The following ZNF366 variants were observed in gnomAD, a reference collection of about 807,000 sequenced individuals.
ZNF366 encodes zinc finger protein 366.
In ZNF366, 20 loss-of-function variants were observed where a neutral mutation model predicts 47.2. That is an observed-to-expected ratio of 0.42 (90% CI 0.30 to 0.62). The LOEUF is 0.62. ZNF366 is among the 20% of genes least tolerant of loss of function. The pLI, the probability that ZNF366 is intolerant of heterozygous loss-of-function variation, is 0.16. For missense variants in ZNF366, 987 were observed against 976.3 expected (o/e 1.01, Z -0.15); for synonymous variants, 421 against 395.1 (o/e 1.07, Z -0.78).
chr5:72,475,016 T>G (rs1743645686), intron 1 of ZNF366, among the ~76,000 whole-genome samples: 1 of 152,166 alleles, frequency 6.6e-6, no homozygotes, highest in Non-Finnish European at 1.5e-5. Context: ...GTACAGATCT[T>G]GGGACAAACA....
At chr5:72,448,954 A>G (rs1743009701) in intron 3 of ZNF366, among the ~76,000 whole-genome samples, 1 of 152,194 alleles carries the variant, frequency 6.6e-6, no homozygotes, top group South Asian at 2.1e-4. Flanking sequence ...TCTTACTAGC[A>G]TGAATGAATT....
rs1262242669 is a variant in ZNF366, at chr5:72,460,731, G to A, written c.766C>T (p.Pro256Ser). Residue 256 changes from proline (P) to serine (S), a missense_variant, in exon 2 of 5, where the codon CCC becomes TCC. Pro to Ser is a moderately conservative substitution (Grantham distance 74). Around this residue, in one of 3 missense-constraint regions of ZNF366, gnomAD observed 591 missense variants for 560.9 expected, o/e 1.05. Coordinates refer to ENST00000318442, the MANE Select transcript of ZNF366 (RefSeq NM_152625.3). ...VGGSQKRWQC[P>S]TCEKSYTSKY... The stretch of plus-strand genomic sequence containing the variant: ...GAGGTGTAGGACTTCTCGCAGGTGG[G>A]GCACTGCCAGCGCTTCTGCGAGCCG... 6.2e-7 allele frequency: 1 copy of A among 1,614,208 alleles called. No individual in the cohort carries two copies. The highest frequency in any genetic ancestry group is 1.3e-5 in the African/African-American group (1 of 75,056).
chr5:72,505,703 G>A (rs369995430), intron 1 of ZNF366, among the ~76,000 whole-genome samples: 24 of 152,202 alleles, frequency 1.6e-4, no homozygotes, highest in African/African-American at 5.8e-4. Flanking sequence ...AGTCAAGATC[G>A]CAGACCTGCG....
At chr5:72,492,426 T>G (rs550114813) in intron 1 of ZNF366, among the ~76,000 whole-genome samples, 1 of 152,282 alleles carries the variant, frequency 6.6e-6, no homozygotes, top group South Asian at 2.1e-4. Flanking sequence ...GAGAAACTAA[T>G]TTTTTCTTCA....
intron 1 of ZNF366, among the ~76,000 whole-genome samples, chr5:72,462,393 G>A (rs545656612): frequency 6.6e-6 from 1 of 152,236 alleles, no homozygotes; most frequent in South Asian, 2.1e-4. Flanking sequence ...TGCCTGACAT[G>A]TCCCCTGCTG....
intron 4 of ZNF366, 45 bp from the exon 5 acceptor site, chr5:72,444,336 G>A: frequency 1.3e-6 from 2 of 1,558,042 alleles, no homozygotes; most frequent in South Asian, 2.5e-5. Context: ...GAAATGCTGT[G>A]GAAATGGGAC....
intron 2 of ZNF366, among the ~76,000 whole-genome samples, chr5:72,457,615 G>A (rs1743216934): frequency 6.6e-6 from 1 of 152,148 alleles, no homozygotes; most frequent in African/African-American, 2.4e-5. Flanking sequence ...TTACTTTGAG[G>A]CATGGTAAGA....
rs1412627579 is a variant in ZNF366, at chr5:72,443,547, T to G, written c.*209A>C. 2 of 557,654 alleles carry G rather than the reference T, an allele frequency of 3.6e-6. No homozygotes were observed. The highest frequency in any genetic ancestry group is 3.8e-5 in the African/African-American group (2 of 53,326). The allele number at this position is 557,654 out of a possible 1,614,324, so 34.5% of individuals were successfully genotyped here. On this transcript the variant is annotated 3_prime_UTR_variant, in exon 5 of 5. Coordinates refer to ENST00000318442, the MANE Select transcript of ZNF366 (RefSeq NM_152625.3). ...CTGGCAATGCATAAAACGCCACTGA[T>G]GAAGACCCTGCACATGTGTGAAGGG...
intron 1 of ZNF366, among the ~76,000 whole-genome samples, chr5:72,464,985 G>A (rs2112332129): frequency 6.6e-6 from 1 of 152,114 alleles, no homozygotes; most frequent in South Asian, 2.1e-4. Flanking sequence ...TTGAACCCAG[G>A]AGTCGGAGGT....
At chr5:72,445,185 C>G (rs6452471) in intron 4 of ZNF366, among the ~76,000 whole-genome samples, 128,363 of 152,098 alleles carry the variant, frequency 0.84, 54,357 homozygotes, top group East Asian at 0.96. Context: ...CTCACTTTTG[C>G]CTTCAGTTTG....
chr5:72,445,118 A>G (rs1742933214), intron 4 of ZNF366, among the ~76,000 whole-genome samples: 1 of 152,188 alleles, frequency 6.6e-6, no homozygotes, highest in Non-Finnish European at 1.5e-5. Context: ...GAGCTCACAC[A>G]GCCCCTGTGT....
intron 1 of ZNF366, among the ~76,000 whole-genome samples, chr5:72,506,808 A>G (rs1744328435): frequency 6.6e-6 from 1 of 152,238 alleles, no homozygotes; most frequent in Non-Finnish European, 1.5e-5. Context: ...CTGAATGGAA[A>G]GAAAAGAACA....
At position 72,461,305 on chromosome 5, in the gene ZNF366, T is replaced by C. The variant is rs376087753; in HGVS notation, c.192A>G (p.Leu64=). 8.7e-6 allele frequency: 14 copies of C among 1,613,978 alleles called. No individual in the cohort carries two copies. The highest frequency in any genetic ancestry group is 1.2e-5 in the Non-Finnish European group (14 of 1,180,032). The change falls in exon 2 of 5, where the codon CTA becomes CTG. Residue 64 remains leucine, a synonymous_variant. Transcript: ENST00000318442. ...CTTCGAAGACCCCGGGGAACCCATC[T>C]AGGTCTCCTGGGGGAGGTTCATACC... is the stretch of plus-strand genomic sequence containing the variant. ...QFRYEPPPGD[L]DGFPGVFEGA...
chr5:72,470,616 T>C (rs1321637251), intron 1 of ZNF366, among the ~76,000 whole-genome samples: 1 of 152,230 alleles, frequency 6.6e-6, no homozygotes, highest in Non-Finnish European at 1.5e-5. Context: ...GCCTCATACA[T>C]GGTTCAAATC....
chr5:72,456,475 T>C lies in ZNF366; in HGVS notation c.1453A>G (p.Ser485Gly), dbSNP rs1743187295. 6.2e-7 allele frequency: 1 copy of C among 1,613,946 alleles called. No individual in the cohort carries two copies. Residue 485 changes from serine (S) to glycine (G), a missense_variant, in exon 3 of 5, where the codon AGC becomes GGC. By Grantham distance (56) the Ser-to-Gly change is moderately conservative. Transcript: ENST00000318442. The part of the protein sequence containing the change: ...RAYQCHLCYK[S>G]FVQKQTLKAH... ...TTGAGGGTCTGCTTCTGCACGAAGC[T>C]CTTGTAGCAGAGGTGACACTGGTAG...
At chr5:72,485,202 G>A (rs1743870163) in intron 1 of ZNF366, among the ~76,000 whole-genome samples, 1 of 152,224 alleles carries the variant, frequency 6.6e-6, no homozygotes, top group Non-Finnish European at 1.5e-5. Flanking sequence ...GCACATGTTA[G>A]AGTGGTCATT....
chr5:72,447,414 A>G lies in ZNF366; in HGVS notation c.1528T>C (p.Cys510Arg), dbSNP rs1483841197. ...TGCATCCGGTTGAATTCCTTCCCACAAAGCTGTTGAAGATGGGGATGAGAA... is the reference window on the plus strand; with the variant it reads ...TGCATCCGGTTGAATTCCTTCCCACGAAGCTGTTGAAGATGGGGATGAGAA... ...SDVKPFKCKLCGKEFNRMHNL... is the reference protein window; with the variant it reads ...SDVKPFKCKLRGKEFNRMHNL... The change falls in exon 4 of 5, where the codon TGT (cysteine) becomes CGT (arginine). Residue 510 changes from cysteine to arginine, a missense_variant. Physicochemically the swap from Cys to Arg is radical, Grantham distance 180 (BLOSUM62 -3). This residue lies in a region of ZNF366 where 111 missense variants were observed against 180.5 expected (regional missense o/e 0.61). Coordinates refer to ENST00000318442, the MANE Select transcript of ZNF366 (RefSeq NM_152625.3). The G allele has an allele frequency of 6.2e-7, 1 of 1,614,062 alleles. No homozygotes were observed. Among genetic ancestry groups the G allele is most frequent in the East Asian group, 2.2e-5 (1 of 44,868 alleles).
intron 3 of ZNF366, among the ~76,000 whole-genome samples, chr5:72,450,313 C>A (rs941734909): frequency 6.6e-6 from 1 of 152,154 alleles, no homozygotes. Context: ...TTCACCTGCC[C>A]CAAGGTCCCA....
intron 1 of ZNF366, among the ~76,000 whole-genome samples, chr5:72,490,233 A>G (rs1743978223): frequency 6.6e-6 from 1 of 152,214 alleles, no homozygotes; most frequent in Non-Finnish European, 1.5e-5. Flanking sequence ...TAGGCCATCA[A>G]CATAATACCT....
Sources: gnomAD v4.1 joint callset for allele counts (sites outside exome capture counted in the v4.1 genomes callset) on GRCh38, gnomAD v4.1.1 for gene constraint, gnomAD v4.1.1 regional missense constraint, MANE v1.5 for transcripts, NCBI Gene and HGNC (gene_info 2026-07-23, HGNC 2026-07-21) for gene names.